The following TOP6BL variants were observed in gnomAD, a reference collection of about 807,000 sequenced individuals.
TOP6BL encodes type 2 DNA topoisomerase 6 subunit B-like.
chr11:66,747,455 C>G, the TOP6BL span, among the ~76,000 whole-genome samples: 1 of 151,548 alleles, frequency 6.6e-6, no homozygotes, highest in Non-Finnish European at 1.5e-5. Flanking sequence ...AAGCGATTCT[C>G]CCACCTTGGC....
the TOP6BL span, among the ~76,000 whole-genome samples, chr11:66,819,109 T>C: frequency 6.6e-6 from 1 of 152,218 alleles, no homozygotes; most frequent in African/African-American, 2.4e-5. Flanking sequence ...TTCTTTCTCA[T>C]ATCCTTAAAA....
chr11:66,777,057 C>CTATATCTATATATCTATATCTATA, the TOP6BL span, among the ~76,000 whole-genome samples: 286 of 150,060 alleles, frequency 1.9e-3, 3 homozygotes, highest in Middle Eastern at 7.0e-3. Context: ...ATCTATATAT[C>CTATATCTATATATCTATATCTATA]TATATCTATA....
the TOP6BL span, among the ~76,000 whole-genome samples, chr11:66,827,626 C>T: frequency 1.3e-5 from 2 of 151,812 alleles, no homozygotes; most frequent in Non-Finnish European, 2.9e-5. Flanking sequence ...TTTATATAAC[C>T]CCTTCATGAA....
chr11:66,758,392 A>C, the TOP6BL span: 1 of 140,918 alleles, frequency 7.1e-6, no homozygotes, highest in Non-Finnish European at 1.5e-5. Context: ...GCTCACTGCA[A>C]GCTCCGCCTC....
the TOP6BL span, among the ~76,000 whole-genome samples, chr11:66,811,884 A>C: frequency 6.6e-6 from 1 of 152,194 alleles, no homozygotes; most frequent in East Asian, 1.9e-4. Flanking sequence ...TTGAGGCTGC[A>C]GTGAGCTATG....
the TOP6BL span, among the ~76,000 whole-genome samples, chr11:66,811,201 T>C: frequency 2.0e-5 from 3 of 149,708 alleles, no homozygotes; most frequent in Admixed American, 1.3e-4. Flanking sequence ...GGAGTCTCAC[T>C]CTGTTGCCCA....
the TOP6BL span, among the ~76,000 whole-genome samples, chr11:66,801,663 C>A: frequency 6.6e-6 from 1 of 152,068 alleles, no homozygotes; most frequent in East Asian, 1.9e-4. Flanking sequence ...TGGCAAAACC[C>A]TGTCTCTGCT....
chr11:66,843,395 C>T, the TOP6BL span: 15 of 1,427,648 alleles, frequency 1.1e-5, no homozygotes, highest in African/African-American at 2.1e-4. Context: ...GCGCCGCGGC[C>T]TGACGTCACC....
chr11:66,817,155 GAAATAAAATA>G, the TOP6BL span, among the ~76,000 whole-genome samples: 4 of 151,530 alleles, frequency 2.6e-5, no homozygotes, highest in African/African-American at 7.3e-5. Flanking sequence ...TCTGTCTCAA[GAAATAAAATA>G]AAATAAAATA....
At chr11:66,830,309 A>G in the TOP6BL span, among the ~76,000 whole-genome samples, 2 of 152,234 alleles carry the variant, frequency 1.3e-5, no homozygotes, top group African/African-American at 4.8e-5. Context: ...TAAATAACCT[A>G]TGAGTTAAAC....
the TOP6BL span, chr11:66,842,951 C>T: frequency 1.9e-6 from 3 of 1,552,700 alleles, no homozygotes; most frequent in Admixed American, 1.9e-5. Context: ...CCGTCAGAGG[C>T]CGCCCCGCGC....
chr11:66,758,302 C>CTTTTTTGTTTTTTTT, the TOP6BL span: 1 of 67,318 alleles, frequency 1.5e-5, no homozygotes, highest in African/African-American at 7.1e-5. Flanking sequence ...TTTTCTTTTT[C>CTTTTTTGTTTTTTTT]TTTTTTTTTT....
the TOP6BL span, among the ~76,000 whole-genome samples, chr11:66,829,896 TAAATA>T: frequency 6.6e-6 from 1 of 151,878 alleles, no homozygotes; most frequent in East Asian, 1.9e-4. Flanking sequence ...CAAAAATAAA[TAAATA>T]AATAAATAAT....
chr11:66,756,362 T>C, the TOP6BL span: 1 of 1,194,000 alleles, frequency 8.4e-7, no homozygotes. Context: ...GGATGGAGTC[T>C]CACTCTGTTA....
At chr11:66,807,543 C>T in the TOP6BL span, among the ~76,000 whole-genome samples, 1 of 152,136 alleles carries the variant, frequency 6.6e-6, no homozygotes, top group Non-Finnish European at 1.5e-5. Context: ...TGCACTCCAG[C>T]CTGGGCAACA....
the TOP6BL span, among the ~76,000 whole-genome samples, chr11:66,811,943 T>A: frequency 6.6e-6 from 1 of 152,124 alleles, no homozygotes; most frequent in African/African-American, 2.4e-5. Context: ...ACCTTGTGTC[T>A]TATAAAAGGG....
chr11:66,786,266 G>T, the TOP6BL span, among the ~76,000 whole-genome samples: 27 of 151,578 alleles, frequency 1.8e-4, no homozygotes, highest in African/African-American at 5.8e-4. Flanking sequence ...CTACTGCACT[G>T]CAGCCTGGGT....
At chr11:66,824,452 TATTATTATTATA>T in the TOP6BL span, among the ~76,000 whole-genome samples, 1 of 147,092 alleles carries the variant, frequency 6.8e-6, no homozygotes, top group African/African-American at 2.5e-5. Flanking sequence ...TTATTATTAT[TATTATTATTATA>T]CTTTAAGTTT....
the TOP6BL span, among the ~76,000 whole-genome samples, chr11:66,749,961 T>G: frequency 1.3e-5 from 2 of 152,050 alleles, no homozygotes; most frequent in African/African-American, 4.8e-5. Flanking sequence ...TTGTGGAGAG[T>G]GAGACTTTCT....
Sources: gnomAD v4.1 joint callset for allele counts (sites outside exome capture counted in the v4.1 genomes callset) on GRCh38, gnomAD v4.1.1 for gene constraint, MANE v1.5 for transcripts, NCBI Gene and HGNC (gene_info 2026-07-23, HGNC 2026-07-21) for gene names.